The following STK33 variants were observed in gnomAD, a reference collection of about 807,000 sequenced individuals.
STK33 encodes the protein serine/threonine kinase 33, also known as serine/threonine-protein kinase 33.
In STK33, 52 loss-of-function variants were observed where a neutral mutation model predicts 58.0. The observed-to-expected ratio is 0.90, with a 90% CI of 0.72 to 1.13. STK33 has a LOEUF of 1.13. STK33 is among the 50% of genes most tolerant of loss of function. STK33 has a pLI of 0.00. For missense variants in STK33, 630 were observed against 604.2 expected, an observed-to-expected ratio of 1.04 and a Z score of -0.45; for synonymous variants, 215 against 200.1, an observed-to-expected ratio of 1.07 and a Z score of -0.63.
At chr11:8,534,044 G>A in intron 1 of STK33, among the ~76,000 whole-genome samples, 1 of 152,138 alleles carries the variant, frequency 6.6e-6, no homozygotes, top group Non-Finnish European at 1.5e-5. Context: ...GGAGGCTGAG[G>A]AGGGCGGATC....
At chr11:8,573,933 A>C (rs1958000109) in intron 1 of STK33, among the ~76,000 whole-genome samples, 2 of 152,228 alleles carry the variant, frequency 1.3e-5, no homozygotes, top group African/African-American at 4.8e-5. Flanking sequence ...ATGAGTATAA[A>C]GGAAGGAGTA....
intron 1 of STK33, among the ~76,000 whole-genome samples, chr11:8,533,996 C>T (rs1591664399): frequency 6.6e-6 from 1 of 151,984 alleles, no homozygotes; most frequent in Admixed American, 6.6e-5. Flanking sequence ...GTATATGTGC[C>T]GGAGCCAGTG....
intron 15 of STK33, among the ~76,000 whole-genome samples, chr11:8,395,864 T>C (rs1849242454): frequency 6.6e-6 from 1 of 152,206 alleles, no homozygotes; most frequent in Admixed American, 6.5e-5. Flanking sequence ...TTGAAAGATA[T>C]CATCATGTTG....
At chr11:8,533,115 C>A (rs1414669823) in intron 1 of STK33, among the ~76,000 whole-genome samples, 1 of 152,142 alleles carries the variant, frequency 6.6e-6, no homozygotes, top group Non-Finnish European at 1.5e-5. Context: ...TTGAAAATGT[C>A]CTTATTGTCA....
At chr11:8,554,784 T>A (rs1439727948) in intron 1 of STK33, among the ~76,000 whole-genome samples, 2 of 152,070 alleles carry the variant, frequency 1.3e-5, no homozygotes, top group Admixed American at 1.3e-4. Flanking sequence ...AAAATCCATA[T>A]GTCAGAAGGA....
chr11:8,364,012 A>T, the STK33 span, among the ~76,000 whole-genome samples: 1 of 152,178 alleles, frequency 6.6e-6, no homozygotes, highest in Non-Finnish European at 1.5e-5. Flanking sequence ...CTGAGTTTGG[A>T]TCTGCTTCCA....
chr11:8,402,088 C>T (rs1196569712), intron 15 of STK33, among the ~76,000 whole-genome samples: 1 of 152,156 alleles, frequency 6.6e-6, no homozygotes, highest in Non-Finnish European at 1.5e-5. Context: ...ATTAGAATTA[C>T]CATTTGACCC....
chr11:8,492,126 C>T (rs945279090), intron 1 of STK33, among the ~76,000 whole-genome samples: 2 of 151,976 alleles, frequency 1.3e-5, no homozygotes, highest in African/African-American at 4.8e-5. Flanking sequence ...GGCTAAATGC[C>T]CCAATTAAAA....
At chr11:8,462,627 C>G (rs1226327783) in intron 7 of STK33, among the ~76,000 whole-genome samples, 3 of 149,680 alleles carry the variant, frequency 2.0e-5, no homozygotes, top group Non-Finnish European at 3.0e-5. Flanking sequence ...GAGACAGAGA[C>G]AGAGAGAGAG....
the STK33 span, among the ~76,000 whole-genome samples, chr11:8,366,239 G>A: frequency 6.6e-6 from 1 of 152,166 alleles, no homozygotes; most frequent in Non-Finnish European, 1.5e-5. Flanking sequence ...GGAGGAGCAG[G>A]AGTTTGCTGG....
chr11:8,528,084 G>C (rs1954207860), intron 1 of STK33, among the ~76,000 whole-genome samples: 1 of 152,128 alleles, frequency 6.6e-6, no homozygotes, highest in South Asian at 2.1e-4. Flanking sequence ...CACGAGCTTT[G>C]TTAGTATTGA....
At chr11:8,491,502 C>G (rs1299928587) in intron 1 of STK33, among the ~76,000 whole-genome samples, 2 of 152,138 alleles carry the variant, frequency 1.3e-5, no homozygotes. Flanking sequence ...AGAATGGAAC[C>G]AAGTTGGAAA....
chr11:8,593,484 AC>A (rs2032936836), intron 1 of STK33, among the ~76,000 whole-genome samples: 1 of 152,170 alleles, frequency 6.6e-6, no homozygotes, highest in African/African-American at 2.4e-5. Flanking sequence ...GTTCACTGAA[AC>A]CCACGACCTT....
the STK33 span, among the ~76,000 whole-genome samples, chr11:8,372,066 A>C: frequency 6.6e-6 from 1 of 151,900 alleles, no homozygotes; most frequent in Non-Finnish European, 1.5e-5. Flanking sequence ...GATGGGGCTC[A>C]CTTTGTTGCC....
chr11:8,590,409 CTAAA>C (rs1294626163), intron 1 of STK33, among the ~76,000 whole-genome samples: 3 of 124,420 alleles, frequency 2.4e-5, no homozygotes, highest in Non-Finnish European at 5.1e-5. Flanking sequence ...ATATTGTTTA[CTAAA>C]TAACTTTATC....
At chr11:8,520,617 CCTT>C in intron 1 of STK33, among the ~76,000 whole-genome samples, 1 of 152,176 alleles carries the variant, frequency 6.6e-6, no homozygotes, top group East Asian at 1.9e-4. Flanking sequence ...CCCAAAATCT[CCTT>C]AAGCTGATAT....
Position 8,499,751 on chromosome 11 carries a change from TGAG to T in STK33, c.-465-19140_-465-19138del, listed in dbSNP as rs369340264. Reference sequence around the variant, plus strand: ...AATACTATGCAGCCATAAAAAAGGATGAGTTCATGTCCTTTGCAGGGACATGGA... The same window carrying T: ...AATACTATGCAGCCATAAAAAAGGATTTCATGTCCTTTGCAGGGACATGGA... On this transcript the variant is annotated intron_variant, in intron 1 of 15. Transcript: ENST00000687296. Among the ~76,000 whole-genome samples the T allele has an allele frequency of 1.7e-3, 260 of 152,234 alleles. 5 individuals carry two copies. The South Asian group carries it at 0.021, about 12-fold the overall frequency.
chr11:8,336,951 G>A, the STK33 span, among the ~76,000 whole-genome samples: 1 of 152,236 alleles, frequency 6.6e-6, no homozygotes. Flanking sequence ...GAGGCCTCCT[G>A]GCAGCCTGGC....
chr11:8,558,162 C>T (rs530597612), intron 1 of STK33, among the ~76,000 whole-genome samples: 1 of 152,270 alleles, frequency 6.6e-6, no homozygotes, highest in South Asian at 2.1e-4. Context: ...ATAAGATTTC[C>T]ATCATTCATT....
Sources: gnomAD v4.1 joint callset for allele counts (sites outside exome capture counted in the v4.1 genomes callset) on GRCh38, gnomAD v4.1.1 for gene constraint, MANE v1.5 for transcripts, NCBI Gene and HGNC (gene_info 2026-07-23, HGNC 2026-07-21) for gene names.